The following NBAS variants were observed in gnomAD, a reference collection of about 807,000 sequenced individuals.
NBAS encodes the protein NAG/BC035112 fusion.
NBAS carries 219 observed loss-of-function variants against 302.5 expected under a neutral mutation model. That is an observed-to-expected ratio of 0.72 (90% CI 0.65 to 0.81). The LOEUF is 0.81. NBAS is among the 30% of genes least tolerant of loss of function. The pLI is 0.00. For missense variants in NBAS, 2,932 were observed against 2,841.6 expected (o/e 1.03, Z -0.72); for synonymous variants, 1,118 against 1,021.6 (o/e 1.09, Z -1.80).
intron 10 of NBAS, among the ~76,000 whole-genome samples, chr2:15,505,554 C>G (rs1406540809): frequency 6.6e-6 from 1 of 152,076 alleles, no homozygotes; most frequent in Non-Finnish European, 1.5e-5. Context: ...GATCCACGCC[C>G]CCTCCTGCCA....
At chr2:15,286,496 T>C (rs180932139) in intron 42 of NBAS, among the ~76,000 whole-genome samples, 183 of 152,304 alleles carry the variant, frequency 1.2e-3, no homozygotes, top group African/African-American at 4.3e-3. Flanking sequence ...CAGTCTCATC[T>C]CACGCCATGT....
chr2:15,130,306 T>G, the NBAS span, among the ~76,000 whole-genome samples: 1 of 152,270 alleles, frequency 6.6e-6, no homozygotes, highest in Non-Finnish European at 1.5e-5. Context: ...TTTTTTTTAT[T>G]CATGGATATT....
intron 6 of NBAS, among the ~76,000 whole-genome samples, chr2:15,540,947 C>A (rs988689028): frequency 1.6e-4 from 24 of 152,036 alleles, no homozygotes; most frequent in Non-Finnish European, 3.2e-4. Context: ...TGGTCTTGAA[C>A]TCCTGACCTC....
the NBAS span, among the ~76,000 whole-genome samples, chr2:15,116,434 T>G: frequency 7.2e-6 from 1 of 138,034 alleles, no homozygotes; most frequent in South Asian, 2.4e-4. Context: ...AGAGAGAGAG[T>G]AATAGAGCTC....
chr2:15,431,432 T>C (rs1677759689), intron 21 of NBAS, among the ~76,000 whole-genome samples: 1 of 152,116 alleles, frequency 6.6e-6, no homozygotes, highest in South Asian at 2.1e-4. Flanking sequence ...ATTTGAGAAA[T>C]AAACAGGATC....
the NBAS span, among the ~76,000 whole-genome samples, chr2:14,809,663 C>T: frequency 1.3e-5 from 2 of 152,148 alleles, no homozygotes; most frequent in Admixed American, 1.3e-4. Context: ...GTGGTCAGAG[C>T]CCCCACACAG....
chr2:14,788,275 C>T, the NBAS span, among the ~76,000 whole-genome samples: 3 of 152,172 alleles, frequency 2.0e-5, no homozygotes, highest in African/African-American at 4.8e-5. Flanking sequence ...GAATTTCCCC[C>T]TGTAGCCGGA....
intron 21 of NBAS, among the ~76,000 whole-genome samples, chr2:15,441,514 C>T (rs1373563494): frequency 6.6e-6 from 1 of 151,986 alleles, no homozygotes; most frequent in Non-Finnish European, 1.5e-5. Context: ...AAGCACTAAA[C>T]ATGGAAAGGA....
chr2:15,469,466 A>G (rs1679864046), intron 16 of NBAS, among the ~76,000 whole-genome samples: 1 of 152,074 alleles, frequency 6.6e-6, no homozygotes, highest in South Asian at 2.1e-4. Flanking sequence ...ATACCATTTG[A>G]CCCAGCAATC....
At chr2:15,223,525 A>C (rs1373965130) in intron 47 of NBAS, among the ~76,000 whole-genome samples, 1 of 152,218 alleles carries the variant, frequency 6.6e-6, no homozygotes, top group Non-Finnish European at 1.5e-5. Flanking sequence ...TCATTATTTC[A>C]AAACTTATTT....
chr2:15,167,393 C>T, intron 51 of NBAS, 70 bp from the exon 52 acceptor site: 2 of 1,569,052 alleles, frequency 1.3e-6, no homozygotes, highest in South Asian at 1.1e-5. Flanking sequence ...GGATCCCTCG[C>T]TCTCCACTGG....
In NBAS at chr2:15,392,624, A is replaced by G. The variant is rs185507796; in HGVS notation, c.3257+1603T>C. On this transcript the variant is annotated intron_variant, in intron 28 of 51. Coordinates refer to ENST00000281513, the MANE Select transcript of NBAS (RefSeq NM_015909.4). ...CAAGATTATTTAAAGAAATTAAAGA[A>G]GAACTAAGTAAACGGAAAGACATCA... 1.1e-3 allele frequency among the ~76,000 whole-genome samples: 171 copies of G among 152,184 alleles called. 1 individual carries two copies. Among genetic ancestry groups the G allele is most frequent in the Middle Eastern group, 6.8e-3 (2 of 294 alleles).
chr2:15,309,162 C>T lies in NBAS; in HGVS notation c.4659+9G>A, dbSNP rs1572631569. The T allele has an allele frequency of 6.2e-7, 1 of 1,609,976 alleles. No homozygotes were observed. Among genetic ancestry groups the T allele is most frequent in the Non-Finnish European group, 8.5e-7 (1 of 1,176,844 alleles). ...ATTTTAAATTCTTCATTGGTAAGGG[C>T]AAACTTACTTGTGGTAAGGCAAGAA... On this transcript the variant is annotated intron_variant, in intron 39 of 51. Transcript: ENST00000281513.
chr2:15,104,844 T>C, the NBAS span, among the ~76,000 whole-genome samples: 1 of 152,194 alleles, frequency 6.6e-6, no homozygotes, highest in African/African-American at 2.4e-5. Flanking sequence ...GCCACATAAA[T>C]GTCTTCTTTT....
At chr2:14,912,011 G>T in the NBAS span, among the ~76,000 whole-genome samples, 1 of 152,204 alleles carries the variant, frequency 6.6e-6, no homozygotes, top group African/African-American at 2.4e-5. Flanking sequence ...CCTAGGTGGT[G>T]CAGCTTACTA....
intron 31 of NBAS, among the ~76,000 whole-genome samples, chr2:15,372,426 A>C (rs1674530608): frequency 6.6e-6 from 1 of 152,210 alleles, no homozygotes; most frequent in Non-Finnish European, 1.5e-5. Context: ...TAGGCAAAGA[A>C]GGCTTCAAAA....
At chr2:14,905,010 G>A in the NBAS span, among the ~76,000 whole-genome samples, 3 of 152,148 alleles carry the variant, frequency 2.0e-5, no homozygotes, top group Non-Finnish European at 4.4e-5. Context: ...TCGCACCACC[G>A]CACTCCAGCC....
chr2:15,470,796 C>A (rs1019451467), intron 16 of NBAS, among the ~76,000 whole-genome samples: 7 of 152,076 alleles, frequency 4.6e-5, no homozygotes, highest in African/African-American at 1.7e-4. Context: ...CCCGTCTCTA[C>A]TAAAAATACA....
At chr2:14,868,499 T>C in the NBAS span, among the ~76,000 whole-genome samples, 4 of 152,188 alleles carry the variant, frequency 2.6e-5, no homozygotes, top group Non-Finnish European at 5.9e-5. Context: ...AACTGGTACA[T>C]GGTATTACTG....
Sources: allele counts gnomAD v4.1 joint callset (sites outside exome capture counted in the v4.1 genomes callset), GRCh38; gene constraint gnomAD v4.1.1; transcripts MANE v1.5; gene names NCBI Gene and HGNC (gene_info 2026-07-23, HGNC 2026-07-21).